The following PABPC4 variants were observed in gnomAD, a reference collection of about 807,000 sequenced individuals.
PABPC4 encodes the protein poly(A) binding protein cytoplasmic 4, also known as polyadenylate-binding protein 4.
In PABPC4, 15 loss-of-function variants were observed where a neutral mutation model predicts 74.5. The observed-to-expected ratio is 0.20, with a 90% CI of 0.13 to 0.31. The LOEUF (loss-of-function observed/expected upper bound fraction) is 0.31, where lower values mean the gene tolerates loss of function less well. Ranked by LOEUF, PABPC4 falls within the 10% of genes least tolerant of loss-of-function variation. The pLI is 1.00. For missense variants in PABPC4, 610 were observed against 853.5 expected, an observed-to-expected ratio of 0.71 and a Z score of 3.55; for synonymous variants, 345 against 303.0, an observed-to-expected ratio of 1.14 and a Z score of -1.44.
chr1:39,566,140 A>G (rs971225855), intron 7 of PABPC4, among the ~76,000 whole-genome samples: 3 of 152,222 alleles, frequency 2.0e-5, no homozygotes, highest in Non-Finnish European at 4.4e-5. Context: ...CAGGAACTCA[A>G]AGATGTTTCC....
chr1:39,571,162 G>A, intron 3 of PABPC4, 72 bp downstream of exon 3: 3 of 1,608,656 alleles, frequency 1.9e-6, no homozygotes, highest in Non-Finnish European at 2.5e-6. Context: ...CGCCTTGTGT[G>A]TGCCAGTTAA....
At chr1:39,572,327 T>A (rs563603930) in intron 2 of PABPC4, 66 bp downstream of exon 2, 1 of 1,191,130 alleles carries the variant, frequency 8.4e-7, no homozygotes, top group African/African-American at 1.5e-5. Context: ...AGTTCTCTGT[T>A]TGGTATTTAT....
chr1:39,567,867 T>C (rs1428427256), intron 6 of PABPC4, 21 bp from the exon 7 acceptor site: 1 of 1,317,398 alleles, frequency 7.6e-7, no homozygotes, highest in South Asian at 1.2e-5. Context: ...AAGATCACTG[T>C]TAACTACACT....
At chr1:39,561,516 C>G (rs1645768960) in intron 15 of PABPC4, 169 bp downstream of exon 15, 5 of 603,536 alleles carry the variant, frequency 8.3e-6, no homozygotes, top group Non-Finnish European at 1.5e-5. Context: ...ACAAAGTCCA[C>G]AGTCCTCATG....
intron 10 of PABPC4, 91 bp from the exon 11 acceptor site, chr1:39,564,013 C>T (rs536410960): frequency 4.6e-5 from 54 of 1,170,666 alleles, no homozygotes; most frequent in Non-Finnish European, 6.0e-5. Flanking sequence ...AGCACGTTTA[C>T]GCAACACATT....
rs371202406 is a variant in PABPC4 at position 39,568,047 on chromosome 1, G to A, written c.877-201C>T. ...CCGAGGCGGGCGAATCACAAGGTCA[G>A]GAGATCGAGACCATCCTGGCTAACA... On this transcript the variant is annotated intron_variant, in intron 6 of 15. Coordinates refer to ENST00000372858, the MANE Select transcript of PABPC4 (RefSeq NM_001135653.2). 8.2e-5 allele frequency: 37 copies of A among 449,374 alleles called. 1 individual carries two copies. The highest frequency in any genetic ancestry group is 5.3e-4 in the East Asian group (12 of 22,450). The allele number at this position is 449,374 out of a possible 1,614,324, so 27.8% of individuals were successfully genotyped here.
At position 39,564,452 on chromosome 1, in the gene PABPC4, C is replaced by G. The variant is rs773329643; in HGVS notation, c.1424G>C (p.Arg475Pro). The G allele has an allele frequency of 1.2e-6, 2 of 1,613,996 alleles. No homozygotes were observed. The highest frequency in any genetic ancestry group is 1.7e-6 in the Non-Finnish European group (2 of 1,180,042). ...TCTCTGAGTGGTAGTAGGGAGGCCA[C>G]GAGAGGCCGGAGCATTACCAGTTGG... ...LAPTGNAPAS[R>P]GLPTTTQRVG... Residue 475 changes from arginine (R) to proline (P), a missense_variant, in exon 10 of 16, where the codon CGT becomes CCT. Coordinates refer to ENST00000372858, the MANE Select transcript of PABPC4 (RefSeq NM_001135653.2).
intron 3 of PABPC4, among the ~76,000 whole-genome samples, chr1:39,570,927 C>G (rs1361945545): frequency 1.3e-5 from 2 of 152,228 alleles, no homozygotes; most frequent in Non-Finnish European, 2.9e-5. Context: ...GCCAAGACCC[C>G]GACTCAGAGT....
At position 39,568,174 on chromosome 1, in the gene PABPC4, G is replaced by A. The variant is rs1361608313; in HGVS notation, c.877-328C>T. ...CAGGAGGCTAAGGCAGGAGAATGGT[G>A]CGAACCCGGGAGGCGGAGTTTGCAG... is the stretch of plus-strand genomic sequence containing the variant. On this transcript the variant is annotated intron_variant, in intron 6 of 15. Transcript: ENST00000372858. 2.5e-5 allele frequency: 5 copies of A among 201,580 alleles called. No individual in the cohort carries two copies. In the East Asian group the frequency reaches 4.3e-4, roughly 17 times the overall value. 12.5% of individuals were successfully genotyped at this position (201,580 alleles called of 1,614,324 possible). A position where few individuals can be genotyped will look rare whatever the true frequency, so the allele number is the denominator to read the frequency against.
chr1:39,561,604 TACA>T, intron 15 of PABPC4, 78 bp downstream of exon 15: 1 of 936,786 alleles, frequency 1.1e-6, no homozygotes, highest in East Asian at 2.4e-5. Flanking sequence ...TGAGCATATA[TACA>T]ACCTCAGGTC....
At chr1:39,561,546 A>ACACT (rs1645769800) in intron 15 of PABPC4, 139 bp downstream of exon 15, 1 of 643,738 alleles carries the variant, frequency 1.6e-6, no homozygotes, top group Non-Finnish European at 2.8e-6. Context: ...CACCTGCAAC[A>ACACT]CACTCCGTGT....
Position 39,576,027 on chromosome 1 carries a change from T to TCGAAGC in PABPC4, c.-77_-76insGCTTCG. On this transcript the variant is annotated 5_prime_UTR_variant, in exon 1 of 16. Transcript: ENST00000372858. ...CCCGCCGCAGGACAAAGGGGCGCCTTCGGAGCCCGGGCCCGCGCCGCGGCT... is the reference window on the plus strand; with the variant it reads ...CCCGCCGCAGGACAAAGGGGCGCCTTCGAAGCCGGAGCCCGGGCCCGCGCCGCGGCT... 9.8e-7 allele frequency: 1 copy of TCGAAGC among 1,020,004 alleles called. No individual in the cohort carries two copies. 63.2% of individuals were successfully genotyped at this position (1,020,004 alleles called of 1,614,324 possible).
At chr1:39,569,401 T>C (rs1570389672) in intron 5 of PABPC4, 194 bp downstream of exon 5, 1 of 596,562 alleles carries the variant, frequency 1.7e-6, no homozygotes, top group Non-Finnish European at 3.0e-6. Flanking sequence ...GTGACAGGTA[T>C]GTGCCAAGTG....
At chr1:39,563,463 C>G in intron 12 of PABPC4, 151 bp downstream of exon 12, 2 of 979,926 alleles carry the variant, frequency 2.0e-6, no homozygotes, top group Non-Finnish European at 1.5e-6. Context: ...CACTAGTGAG[C>G]CCCTGAAGGG....
At chr1:39,575,594 G>A (rs1412214730) in intron 1 of PABPC4, among the ~76,000 whole-genome samples, 165 bp downstream of exon 1, 2 of 152,168 alleles carry the variant, frequency 1.3e-5, no homozygotes, top group East Asian at 1.9e-4. Flanking sequence ...TGAAACTCGA[G>A]TCATCTGATG....
In PABPC4 at chr1:39,569,873, G is replaced by A. The variant is rs777812340; in HGVS notation, c.633C>T (p.Phe211=). ...EVDDESLKEL[F]SQFGKTLSVK... ...GGAACCCCAACTTACCAAACTGACTGAATAGCTCTTTCAGACTCTCATCAT... is the reference window on the plus strand; with the variant it reads ...GGAACCCCAACTTACCAAACTGACTAAATAGCTCTTTCAGACTCTCATCAT... Residue 211 remains phenylalanine, a synonymous_variant, in exon 4 of 16, where the codon TTC becomes TTT. Transcript: ENST00000372858. The A allele has an allele frequency of 9.9e-6, 16 of 1,613,902 alleles. No individual in the cohort carries two copies. The East Asian group carries it at 3.6e-4, about 36-fold the overall frequency.
chr1:39,568,906 C>T lies in PABPC4; in HGVS notation c.772G>A (p.Gly258Ser). 6.2e-7 allele frequency: 1 copy of T among 1,613,730 alleles called. No individual in the cohort carries two copies. Among genetic ancestry groups the T allele is most frequent in the Non-Finnish European group, 8.5e-7 (1 of 1,179,870 alleles). The stretch of plus-strand genomic sequence containing the variant: ...GCACGGCCTACAAATATGATTTTAC[C>T]ACTTATTTCTTTTCCATTCATCTCT... ...VEEMNGKEISGKIIFVGRAQK... is the reference protein window; with the variant it reads ...VEEMNGKEISSKIIFVGRAQK... Residue 258 changes from glycine to serine, a missense_variant, in exon 6 of 16, where the codon GGT (glycine) becomes AGT (serine). By Grantham distance (56) the Gly-to-Ser change is moderately conservative. This residue lies in a region of PABPC4 where 304 missense variants were observed against 478.9 expected (regional missense o/e 0.63). Coordinates refer to ENST00000372858, the MANE Select transcript of PABPC4 (RefSeq NM_001135653.2).
At chr1:39,569,071 A>T in intron 5 of PABPC4, 132 bp from the exon 6 acceptor site, 2 of 905,358 alleles carry the variant, frequency 2.2e-6, no homozygotes, top group South Asian at 3.4e-5. Context: ...GAAGTCTGTC[A>T]CACAAATCCA....
At chr1:39,564,242 T>C (rs911234899) in intron 10 of PABPC4, 181 bp downstream of exon 10, 13 of 692,768 alleles carry the variant, frequency 1.9e-5, no homozygotes, top group African/African-American at 1.3e-4. Context: ...TAAAAGCAAC[T>C]GACACACCTA....
Sources: gnomAD v4.1 joint callset for allele counts (sites outside exome capture counted in the v4.1 genomes callset) on GRCh38, gnomAD v4.1.1 for gene constraint, gnomAD v4.1.1 regional missense constraint, MANE v1.5 for transcripts, NCBI Gene and HGNC (gene_info 2026-07-23, HGNC 2026-07-21) for gene names.